MAP3K13: variants seen among roughly 807,000 people sequenced by gnomAD.
MAP3K13 encodes the protein mitogen-activated protein kinase kinase kinase 13.
Under a neutral mutation model 104.0 loss-of-function variants are expected in MAP3K13, and 52 were observed. The observed-to-expected ratio is 0.50, with a 90% CI of 0.40 to 0.63. The LOEUF (loss-of-function observed/expected upper bound fraction) is 0.63. MAP3K13 is among the 20% of genes least tolerant of loss of function. The probability of loss-of-function intolerance (pLI) is 0.00; values close to 1 mark genes in which losing one functional copy is unlikely to be tolerated. For missense variants in MAP3K13, 914 were observed against 1,218.5 expected (o/e 0.75, Z 3.72); for synonymous variants, 394 against 442.2 (o/e 0.89, Z 1.37).
At chr3:185,393,691 C>A (rs1712212157) in intron 1 of MAP3K13, among the ~76,000 whole-genome samples, 2 of 152,068 alleles carry the variant, frequency 1.3e-5, no homozygotes, top group Admixed American at 1.3e-4. Flanking sequence ...ATCTCTTGAC[C>A]TCGTGATCCA....
In MAP3K13 at chr3:185,453,941, A is replaced by ATGTGATACATATATATGAGATATATG. The variant is rs202229444; in HGVS notation, c.1278+2548_1278+2549insTGATACATATATATGAGATATATGTG. Among the ~76,000 whole-genome samples, 9 of 11,202 alleles carry ATGTGATACATATATATGAGATATATG rather than the reference A, an allele frequency of 8.0e-4. 3 individuals are homozygous for ATGTGATACATATATATGAGATATATG. The highest frequency in any genetic ancestry group is 1.4e-3 in the African/African-American group (9 of 6,432). The allele number at this position is 11,202 out of a possible 152,430, so 7.3% of individuals were successfully genotyped here. ...TGTGATACATATATATGAGATATAT[A>ATGTGATACATATATATGAGATATATG]TGATACATATATATGAGATATATAT... On this transcript the variant is annotated intron_variant, in intron 7 of 13. Coordinates refer to ENST00000265026, the MANE Select transcript of MAP3K13 (RefSeq NM_004721.5).
chr3:185,393,240 A>G (rs1712175982), intron 1 of MAP3K13, among the ~76,000 whole-genome samples: 1 of 152,216 alleles, frequency 6.6e-6, no homozygotes, highest in African/African-American at 2.4e-5. Context: ...TTAACTCATT[A>G]ATTAATGAGG....
At position 185,455,449 on chromosome 3, in the gene MAP3K13, TATATATC is replaced by T. The variant is rs1291720013; in HGVS notation, c.1278+4061_1278+4067del. 1.1e-3 allele frequency among the ~76,000 whole-genome samples: 125 copies of T among 116,124 alleles called. 13 individuals carry two copies. Among genetic ancestry groups the T allele is most frequent in the African/African-American group, 3.5e-3 (107 of 30,988 alleles). 76.2% of individuals were successfully genotyped at this position (116,124 alleles called of 152,430 possible). A position where few individuals can be genotyped will look rare whatever the true frequency, so the allele number is the denominator to read the frequency against. ...ATATATATGAGATATATATATGAGA[TATATATC>T]ATATATATGAGATATATACATGATA... On this transcript the variant is annotated intron_variant, in intron 7 of 13. Coordinates refer to ENST00000265026, the MANE Select transcript of MAP3K13 (RefSeq NM_004721.5).
chr3:185,408,262 T>G (rs1276420032), intron 1 of MAP3K13, among the ~76,000 whole-genome samples: 3 of 152,026 alleles, frequency 2.0e-5, no homozygotes, highest in African/African-American at 7.3e-5. Context: ...TATGGTAAGC[T>G]CTCAATAAAA....
In MAP3K13 at chr3:185,463,606, T is replaced by C. The variant is rs780047389; in HGVS notation, c.1335T>C (p.Thr445=). 2 of 1,613,068 alleles carry C rather than the reference T, an allele frequency of 1.2e-6. No homozygotes were observed. The highest frequency in any genetic ancestry group is 2.7e-5 in the African/African-American group (2 of 74,906). The change falls in exon 8 of 14, where the codon ACT becomes ACC. Residue 445 remains threonine, a synonymous_variant. Transcript: ENST00000265026. The part of the protein sequence containing the change: ...KHFEKIKSEG[T]CIHRLDEELI... ...TTGAGAAGATCAAAAGTGAAGGAAC[T>C]TGTATACACCGGTTAGATGAAGAAC...
intron 2 of MAP3K13, among the ~76,000 whole-genome samples, chr3:185,316,164 G>A (rs534210086): frequency 8.5e-5 from 13 of 152,100 alleles, no homozygotes; most frequent in Admixed American, 2.0e-4. Flanking sequence ...AATAAAAGAA[G>A]AGATGTTCTT....
intron 1 of MAP3K13, among the ~76,000 whole-genome samples, chr3:185,405,007 A>G (rs550990631): frequency 1.1e-4 from 17 of 152,352 alleles, no homozygotes; most frequent in African/African-American, 3.8e-4. Context: ...CTGGCAATGT[A>G]TAAAATTGTA....
At chr3:185,408,962 G>T (rs1713275588) in intron 1 of MAP3K13, among the ~76,000 whole-genome samples, 1 of 152,138 alleles carries the variant, frequency 6.6e-6, no homozygotes, top group African/African-American at 2.4e-5. Context: ...GTCTACCAAT[G>T]AAATGTATAA....
chr3:185,438,144 T>A (rs1272376741), intron 3 of MAP3K13, among the ~76,000 whole-genome samples: 2 of 152,126 alleles, frequency 1.3e-5, no homozygotes, highest in East Asian at 1.9e-4. Context: ...AAATTTTTTT[T>A]AATTAGCTGA....
chr3:185,323,333 CT>C (rs869206853), intron 2 of MAP3K13, among the ~76,000 whole-genome samples: 3,626 of 134,202 alleles, frequency 0.027, 29 homozygotes, highest in South Asian at 0.035. Flanking sequence ...TTTGGCATAC[CT>C]TTTTTTTTTT....
chr3:185,293,541 A>C (rs900840903), intron 2 of MAP3K13, among the ~76,000 whole-genome samples: 2 of 151,474 alleles, frequency 1.3e-5, no homozygotes, highest in Admixed American at 6.6e-5. Context: ...CTCTCACCTC[A>C]GCCTCCCCAG....
intron 1 of MAP3K13, among the ~76,000 whole-genome samples, chr3:185,369,931 T>C (rs1724072920): frequency 6.6e-6 from 1 of 152,118 alleles, no homozygotes. Context: ...ACTGTAGGAG[T>C]CTATGTAGCA....
rs139001584 is a variant in MAP3K13 at position 185,473,839 on chromosome 3, G to A, written c.2430+78G>A. The A allele has an allele frequency of 7.3e-7, 1 of 1,377,280 alleles. No homozygotes were observed. Among genetic ancestry groups the A allele is most frequent in the Non-Finnish European group, 9.8e-7 (1 of 1,016,174 alleles). The allele number at this position is 1,377,280 out of a possible 1,614,324, so 85.3% of individuals were successfully genotyped here. On this transcript the variant is annotated intron_variant, in intron 11 of 13. Coordinates refer to ENST00000265026, the MANE Select transcript of MAP3K13 (RefSeq NM_004721.5). This position sits in a 1 kb window ranked among gnomAD's most constrained non-coding sequence, Gnocchi z 4.9. Reference sequence around the variant, plus strand: ...AGCCTGTCATGTTATACACATTAGAGAGCATATGTAAAAAGTATACATTTT... The same window carrying A: ...AGCCTGTCATGTTATACACATTAGAAAGCATATGTAAAAAGTATACATTTT...
At chr3:185,453,871 C>A in intron 7 of MAP3K13, among the ~76,000 whole-genome samples, 2 of 67,910 alleles carry the variant, frequency 2.9e-5, no homozygotes, top group Admixed American at 2.0e-4. Flanking sequence ...ATATATGATA[C>A]ATATATATGA....
rs1264652477 is a variant in MAP3K13 at position 185,484,036 on chromosome 3, C to T, written c.*1580C>T. ...CTATCTTAGAAGTCTTAATGACTGG[C>T]TACCACTGTCAGAATAAAAGCAAAA... On this transcript the variant is annotated 3_prime_UTR_variant, in exon 14 of 14. Coordinates refer to ENST00000265026, the MANE Select transcript of MAP3K13 (RefSeq NM_004721.5). The T allele has an allele frequency of 2.0e-5, 3 of 152,148 alleles. No individual in the cohort carries two copies. The highest frequency in any genetic ancestry group is 4.8e-5 in the African/African-American group (2 of 41,432). 9.4% of individuals were successfully genotyped at this position (152,148 alleles called of 1,614,324 possible).
In MAP3K13 at chr3:185,350,515, C is replaced by T. The variant is rs138608299; in HGVS notation, c.-86+64872C>T. Among the ~76,000 whole-genome samples, 448 of 152,062 alleles carry T rather than the reference C, an allele frequency of 2.9e-3. 4 individuals are homozygous for T. The highest frequency in any genetic ancestry group is 0.01 in the African/African-American group (431 of 41,424). ...TATGACACTTTTATGACCATTGTCACTTATATCTTGTTGGATCTCTGACTA... is the reference window on the plus strand; with the variant it reads ...TATGACACTTTTATGACCATTGTCATTTATATCTTGTTGGATCTCTGACTA... On this transcript the variant is annotated intron_variant, in intron 2 of 14. Transcript: ENST00000424227.
intron 2 of MAP3K13, among the ~76,000 whole-genome samples, chr3:185,321,491 A>T (rs1721866107): frequency 6.6e-6 from 1 of 152,248 alleles, no homozygotes; most frequent in Non-Finnish European, 1.5e-5. Flanking sequence ...TGAACGATAC[A>T]TTCAAGATTT....
At chr3:185,382,772 G>A (rs1400985404) in intron 1 of MAP3K13, among the ~76,000 whole-genome samples, 2 of 152,152 alleles carry the variant, frequency 1.3e-5, no homozygotes, top group African/African-American at 2.4e-5. Flanking sequence ...TGGGTAGGCC[G>A]AGGCGGGTGG....
At chr3:185,308,472 G>C (rs1721381314) in intron 2 of MAP3K13, among the ~76,000 whole-genome samples, 1 of 152,166 alleles carries the variant, frequency 6.6e-6, no homozygotes, top group Non-Finnish European at 1.5e-5. Flanking sequence ...AAAGCTGAAA[G>C]GTTGGATATA....
Sources: gnomAD v4.1 joint callset for allele counts (sites outside exome capture counted in the v4.1 genomes callset) on GRCh38, gnomAD v4.1.1 for gene constraint, Gnocchi (gnomAD v3.1) non-coding constraint, MANE v1.5 for transcripts, NCBI Gene and HGNC (gene_info 2026-07-23, HGNC 2026-07-21) for gene names.